SOX5: variants seen among roughly 807,000 people sequenced by gnomAD.
SOX5 encodes SRY-box transcription factor 5, also known as transcription factor SOX-5.
SOX5 carries 9 observed loss-of-function variants against 92.0 expected under a neutral mutation model. The ratio of observed to expected loss-of-function variants is 0.10; its 90% CI spans 0.06 to 0.17. The LOEUF (loss-of-function observed/expected upper bound fraction) is 0.17. SOX5 is among the 10% of genes least tolerant of loss of function. SOX5 has a pLI of 1.00. For missense variants in SOX5, 642 were observed against 944.5 expected (o/e 0.68, Z 4.20); for synonymous variants, 344 against 336.3 (o/e 1.02, Z -0.25).
At chr12:24,008,186 T>C (rs1483085827) in intron 4 of SOX5, among the ~76,000 whole-genome samples, 1 of 152,114 alleles carries the variant, frequency 6.6e-6, no homozygotes, top group African/African-American at 2.4e-5. Flanking sequence ...ATGAAGCTAC[T>C]TTTACCAAAA....
intron 8 of SOX5, among the ~76,000 whole-genome samples, chr12:23,610,906 G>T (rs182301848): frequency 6.6e-6 from 1 of 152,194 alleles, no homozygotes; most frequent in Admixed American, 6.5e-5. Context: ...AGAACCAAGA[G>T]TTGAAGCATA....
intron 1 of SOX5, among the ~76,000 whole-genome samples, chr12:24,498,819 C>T (rs1363328382): frequency 6.6e-6 from 1 of 152,192 alleles, no homozygotes; most frequent in Non-Finnish European, 1.5e-5. Context: ...CTACCCACCT[C>T]TCTCAGGGTA....
intron 4 of SOX5, among the ~76,000 whole-genome samples, chr12:24,125,653 A>G (rs770673429): frequency 6.6e-5 from 10 of 152,200 alleles, no homozygotes; most frequent in Non-Finnish European, 1.3e-4. Flanking sequence ...TTAAAATAAT[A>G]CACATTTTTA....
At chr12:24,217,837 T>C (rs551991083) in intron 3 of SOX5, among the ~76,000 whole-genome samples, 1 of 152,274 alleles carries the variant, frequency 6.6e-6, no homozygotes, top group East Asian at 1.9e-4. Context: ...GAGCAAAAGA[T>C]CTGATAGACA....
intron 4 of SOX5, among the ~76,000 whole-genome samples, chr12:24,120,660 T>A (rs1044331737): frequency 6.6e-6 from 1 of 152,204 alleles, no homozygotes; most frequent in Non-Finnish European, 1.5e-5. Context: ...TACCAATCTA[T>A]CTGTGATCTT....
At chr12:24,452,476 T>C (rs116210901) in intron 1 of SOX5, among the ~76,000 whole-genome samples, 189 of 152,268 alleles carry the variant, frequency 1.2e-3, no homozygotes, top group African/African-American at 3.9e-3. Context: ...GAGGCATTCT[T>C]ACCTGGAGAG....
At chr12:23,660,233 C>T (rs1378875441) in intron 7 of SOX5, among the ~76,000 whole-genome samples, 1 of 152,124 alleles carries the variant, frequency 6.6e-6, no homozygotes, top group Non-Finnish European at 1.5e-5. Context: ...GTATTTTGCT[C>T]GTACTACATT....
intron 3 of SOX5, among the ~76,000 whole-genome samples, chr12:23,832,565 G>A (rs1341714734): frequency 6.6e-6 from 1 of 151,968 alleles, no homozygotes; most frequent in African/African-American, 2.4e-5. Flanking sequence ...TAGCCAGGGT[G>A]AAATAATGAC....
At chr12:23,726,745 C>T (rs1377526925) in intron 6 of SOX5, among the ~76,000 whole-genome samples, 1 of 152,146 alleles carries the variant, frequency 6.6e-6, no homozygotes, top group East Asian at 1.9e-4. Context: ...GGAAAAATGA[C>T]TGTCAGTCTG....
At chr12:23,617,133 A>T (rs1202626176) in intron 8 of SOX5, among the ~76,000 whole-genome samples, 15 of 150,440 alleles carry the variant, frequency 1.0e-4, no homozygotes, top group African/African-American at 2.9e-4. Context: ...CTCAAGAAAA[A>T]AAAAAAAAAA....
chr12:24,254,983 A>G (rs190660514), intron 3 of SOX5, among the ~76,000 whole-genome samples: 70 of 152,192 alleles, frequency 4.6e-4, no homozygotes, highest in Middle Eastern at 3.4e-3. Context: ...CTATTAATAT[A>G]CCACAGACTT....
At chr12:23,651,782 C>T (rs536961226) in intron 7 of SOX5, among the ~76,000 whole-genome samples, 12 of 151,532 alleles carry the variant, frequency 7.9e-5, no homozygotes, top group Middle Eastern at 3.4e-3. Context: ...AGAGTAGATG[C>T]TCAATTAAAA....
At chr12:24,214,151 AG>A (rs995384696) in intron 3 of SOX5, among the ~76,000 whole-genome samples, 12 of 152,122 alleles carry the variant, frequency 7.9e-5, no homozygotes, top group African/African-American at 2.7e-4. Flanking sequence ...ACATTGTACT[AG>A]GACACTAAGT....
chr12:24,357,798 G>A (rs1281247320), intron 2 of SOX5, among the ~76,000 whole-genome samples: 1 of 148,762 alleles, frequency 6.7e-6, no homozygotes, highest in Non-Finnish European at 1.5e-5. Context: ...GGTAGATTGT[G>A]CGACTGCACT....
At chr12:24,520,512 AC>A (rs1423774549) in intron 1 of SOX5, among the ~76,000 whole-genome samples, 2 of 151,984 alleles carry the variant, frequency 1.3e-5, no homozygotes, top group Admixed American at 1.3e-4. Context: ...GTAAAAAAAA[AC>A]AAAGCAAATA....
At chr12:23,849,380 A>T (rs559356638) in intron 2 of SOX5, among the ~76,000 whole-genome samples, 1 of 152,210 alleles carries the variant, frequency 6.6e-6, no homozygotes, top group Admixed American at 6.5e-5. Flanking sequence ...AGTGCTTTAC[A>T]TGTATTAACT....
chr12:24,410,165 T>C (rs1289212606), intron 1 of SOX5, among the ~76,000 whole-genome samples: 2 of 152,116 alleles, frequency 1.3e-5, no homozygotes, highest in African/African-American at 4.8e-5. Flanking sequence ...GTCTGGCTAA[T>C]TTTTGTATTT....
rs1555191032 is a variant in SOX5, at chr12:23,600,536, T to TATATATATATATATAC, written c.1164+3850_1164+3851insGTATATATATATATAT. Among the ~76,000 whole-genome samples, 20 of 119,272 alleles carry TATATATATATATATAC rather than the reference T, an allele frequency of 1.7e-4. 2 individuals are homozygous for TATATATATATATATAC. Among genetic ancestry groups the TATATATATATATATAC allele is most frequent in the African/African-American group, 4.9e-4 (16 of 32,660 alleles). 78.2% of individuals were successfully genotyped at this position (119,272 alleles called of 152,430 possible). A position where few individuals can be genotyped will look rare whatever the true frequency, so the allele number is the denominator to read the frequency against. On this transcript the variant is annotated intron_variant, in intron 9 of 14. Coordinates refer to ENST00000451604, the MANE Select transcript of SOX5 (RefSeq NM_006940.6). ...CGGGGGGGGTGCATATATATATATA[T>TATATATATATATATAC]ATATATATATATATATACACATACT...
chr12:24,539,392 AT>A (rs1308824133), intron 1 of SOX5, among the ~76,000 whole-genome samples: 1 of 152,136 alleles, frequency 6.6e-6, no homozygotes, highest in African/African-American at 2.4e-5. Context: ...ACAAGAAGTC[AT>A]TATTGTCTCC....
Sources: allele counts gnomAD v4.1 joint callset (sites outside exome capture counted in the v4.1 genomes callset), GRCh38; gene constraint gnomAD v4.1.1; transcripts MANE v1.5; gene names NCBI Gene and HGNC (gene_info 2026-07-23, HGNC 2026-07-21).